AGPAT3: variants seen among roughly 807,000 people sequenced by gnomAD.
AGPAT3 encodes the protein 1-acyl-sn-glycerol-3-phosphate acyltransferase gamma.
In AGPAT3, 5 loss-of-function variants were observed where a neutral mutation model predicts 47.3. That is an observed-to-expected ratio of 0.11 (90% CI 0.06 to 0.22). The LOEUF (loss-of-function observed/expected upper bound fraction) is 0.22, where lower values mean the gene tolerates loss of function less well. Ranked by LOEUF, AGPAT3 falls within the 10% of genes least tolerant of loss-of-function variation. The pLI, the probability that AGPAT3 is intolerant of heterozygous loss-of-function variation, is 1.00. For synonymous variants in AGPAT3, 212 were observed against 208.3 expected (o/e 1.02, Z -0.15); for missense variants, 315 against 493.0 (o/e 0.64, Z 3.42).
In AGPAT3 at chr21:43,961,445, T is replaced by C. The variant is rs112790870; in HGVS notation, c.178+1586T>C. On this transcript the variant is annotated intron_variant, in intron 3 of 9. Coordinates refer to ENST00000291572, the MANE Select transcript of AGPAT3 (RefSeq NM_020132.5). ...GTGAGCGCATAGACACTTTGTCTCA[T>C]GTGGGAAAGGGTGAGCACGTAGACA... Among the ~76,000 whole-genome samples the C allele has an allele frequency of 1.5e-3, 218 of 150,228 alleles. 2 individuals are homozygous for C. In the Middle Eastern group the frequency reaches 0.022, roughly 15 times the overall value.
At chr21:43,957,431 A>G (rs2088526622) in intron 2 of AGPAT3, among the ~76,000 whole-genome samples, 1 of 152,146 alleles carries the variant, frequency 6.6e-6, no homozygotes, top group Admixed American at 6.5e-5. Context: ...GGACCAAGTC[A>G]GGGGTTGGCA....
At chr21:43,901,367 C>T (rs527285899) in intron 1 of AGPAT3, among the ~76,000 whole-genome samples, 1 of 149,948 alleles carries the variant, frequency 6.7e-6, no homozygotes, top group East Asian at 1.9e-4. Context: ...GGGAAGGGAA[C>T]TATATCTATC....
chr21:43,976,616 G>A (rs750662489), intron 7 of AGPAT3, among the ~76,000 whole-genome samples: 3 of 152,208 alleles, frequency 2.0e-5, no homozygotes, highest in Non-Finnish European at 4.4e-5. Flanking sequence ...AAACTCTTCA[G>A]ACACATGAGC....
At chr21:43,882,470 G>A (rs899560305) in intron 1 of AGPAT3, 1 of 152,326 alleles carries the variant, frequency 6.6e-6, no homozygotes, top group Non-Finnish European at 1.5e-5. Context: ...CCTTGCCGGG[G>A]TTGGCCAAAG....
chr21:43,947,474 G>A (rs7281760), intron 2 of AGPAT3, among the ~76,000 whole-genome samples: 4,267 of 152,266 alleles, frequency 0.028, 199 homozygotes, highest in African/African-American at 0.097. Context: ...TCTCCAGCGA[G>A]GCCTGGAAAC....
chr21:43,867,749 T>C (rs1159916312), intron 1 of AGPAT3: 2 of 152,262 alleles, frequency 1.3e-5, no homozygotes, highest in Non-Finnish European at 2.9e-5. Context: ...GTTTCCTTTT[T>C]AATGACTTGT....
rs193242573 is a variant in AGPAT3 at position 43,930,613 on chromosome 21, C to T, written c.-49+26594C>T. ...ATTGTGGGTGTCCACAGTGGGCAGG[C>T]CTGGCGGGGTGAGGGTGGGTGGGTG... On this transcript the variant is annotated intron_variant, in intron 2 of 9. Transcript: ENST00000291572. This position sits in a 1 kb window ranked among gnomAD's most constrained non-coding sequence, Gnocchi z 5.0. Among the ~76,000 whole-genome samples the T allele has an allele frequency of 5.7e-3, 829 of 146,072 alleles. 9 individuals carry two copies. The highest frequency in any genetic ancestry group is 0.019 in the African/African-American group (784 of 40,214).
chr21:43,899,741 G>A (rs9977435), intron 1 of AGPAT3, among the ~76,000 whole-genome samples: 3,272 of 152,268 alleles, frequency 0.021, 104 homozygotes, highest in African/African-American at 0.075. Flanking sequence ...ATCACCTCGT[G>A]TGTGTGTGTG....
At position 43,880,354 on chromosome 21, in the gene AGPAT3, G is replaced by A. The variant is rs1366266729; in HGVS notation, c.-112+15009G>A. ...ACACTGGAGAGGCATCTGCAGGGGC[G>A]GGGTGGGGCTCCTGGTCAGCCTGTT... is the stretch of plus-strand genomic sequence containing the variant. On this transcript the variant is annotated intron_variant, in intron 1 of 9. Coordinates refer to ENST00000291572, the MANE Select transcript of AGPAT3 (RefSeq NM_020132.5). The surrounding 1 kb of genome is among the most constrained non-coding windows in gnomAD (Gnocchi z 4.5). Among the ~76,000 whole-genome samples the A allele has an allele frequency of 6.6e-6, 1 of 152,346 alleles. No individual in the cohort carries two copies. The highest frequency in any genetic ancestry group is 6.5e-5 in the Admixed American group (1 of 15,308).
intron 2 of AGPAT3, among the ~76,000 whole-genome samples, chr21:43,926,843 C>T (rs185928210): frequency 3.3e-4 from 50 of 151,644 alleles, no homozygotes; most frequent in African/African-American, 1.2e-3. Flanking sequence ...TACCTGTGAT[C>T]CCAGCTACTT....
At chr21:43,963,727 AAAAG>A (rs2088989680) in intron 3 of AGPAT3, among the ~76,000 whole-genome samples, 1 of 151,366 alleles carries the variant, frequency 6.6e-6, no homozygotes, top group Non-Finnish European at 1.5e-5. Context: ...AAAAAAAAAA[AAAAG>A]ATAAGGAAGT....
intron 2 of AGPAT3, among the ~76,000 whole-genome samples, chr21:43,950,303 C>G (rs984771133): frequency 1.3e-5 from 2 of 152,214 alleles, no homozygotes; most frequent in African/African-American, 4.8e-5. Flanking sequence ...CACAGACTGA[C>G]AGTTTCACCT....
intron 2 of AGPAT3, among the ~76,000 whole-genome samples, chr21:43,950,019 G>C (rs1291571739): frequency 1.3e-5 from 2 of 152,192 alleles, no homozygotes; most frequent in Non-Finnish European, 2.9e-5. Context: ...TGCCTGAAAG[G>C]CACCAGCCAG....
chr21:43,907,029 C>CTT (rs760824887), intron 2 of AGPAT3, among the ~76,000 whole-genome samples: 51 of 128,786 alleles, frequency 4.0e-4, no homozygotes, highest in African/African-American at 5.7e-4. Flanking sequence ...TCTTTTCTTT[C>CTT]TTTTTTTTTT....
intron 1 of AGPAT3, among the ~76,000 whole-genome samples, chr21:43,893,598 T>C (rs574843927): frequency 6.6e-6 from 1 of 152,366 alleles, no homozygotes; most frequent in South Asian, 2.1e-4. Context: ...TAGTCACTTC[T>C]AGCTTTTGAT....
At chr21:43,899,205 C>T (rs1333633275) in intron 1 of AGPAT3, among the ~76,000 whole-genome samples, 1 of 152,170 alleles carries the variant, frequency 6.6e-6, no homozygotes, top group African/African-American at 2.4e-5. Flanking sequence ...TTTCCCTGCC[C>T]CTTGGGGGAT....
At chr21:43,868,904 G>T (rs899477556) in intron 1 of AGPAT3, among the ~76,000 whole-genome samples, 12 of 152,070 alleles carry the variant, frequency 7.9e-5, no homozygotes, top group African/African-American at 2.9e-4. Context: ...TCTCAGCTTG[G>T]GCAAATCTAG....
rs138981564 is a variant in AGPAT3 at position 43,935,673 on chromosome 21, T to C, written c.-48-23961T>C. ...TGCCTGGCATTTGGGGAGTCTGTTA[T>C]TCAGACATGGAAAGGGAACGACTCT... On this transcript the variant is annotated intron_variant, in intron 2 of 9. Coordinates refer to ENST00000291572, the MANE Select transcript of AGPAT3 (RefSeq NM_020132.5). Among the ~76,000 whole-genome samples, 385 of 152,190 alleles carry C rather than the reference T, an allele frequency of 2.5e-3. 1 individual carries two copies. Among genetic ancestry groups the C allele is most frequent in the Non-Finnish European group, 3.9e-3 (266 of 68,000 alleles).
intron 1 of AGPAT3, among the ~76,000 whole-genome samples, chr21:43,902,573 G>C (rs928921126): frequency 3.3e-5 from 5 of 152,238 alleles, no homozygotes; most frequent in African/African-American, 1.2e-4. Context: ...ATATGGCAGA[G>C]AGATAGGAAG....
Sources: gnomAD v4.1 joint callset for allele counts (sites outside exome capture counted in the v4.1 genomes callset) on GRCh38, gnomAD v4.1.1 for gene constraint, Gnocchi (gnomAD v3.1) non-coding constraint, MANE v1.5 for transcripts, NCBI Gene and HGNC (gene_info 2026-07-23, HGNC 2026-07-21) for gene names.